The following FLRT2 variants were observed in gnomAD, a reference collection of about 807,000 sequenced individuals.
FLRT2 encodes fibronectin leucine rich transmembrane protein 2, also known as leucine-rich repeat transmembrane protein FLRT2.
In FLRT2, 15 loss-of-function variants were observed where a neutral mutation model predicts 40.0. The observed-to-expected ratio is 0.38, with a 90% CI of 0.25 to 0.58. FLRT2 has a LOEUF of 0.58. Ranked by LOEUF, FLRT2 falls within the 20% of genes least tolerant of loss-of-function variation. The pLI is 0.71. For missense variants in FLRT2, 726 were observed against 840.0 expected (o/e 0.86, Z 1.68); for synonymous variants, 380 against 336.8 (o/e 1.13, Z -1.41).
chr14:85,548,806 C>T (rs1450705408), intron 1 of FLRT2, among the ~76,000 whole-genome samples: 1 of 152,206 alleles, frequency 6.6e-6, no homozygotes, highest in Non-Finnish European at 1.5e-5. Context: ...AAAGTGAGAA[C>T]ATGCATTTCT....
chr14:85,591,251 G>A (rs914638329), intron 1 of FLRT2, among the ~76,000 whole-genome samples: 1 of 152,122 alleles, frequency 6.6e-6, no homozygotes, highest in Non-Finnish European at 1.5e-5. Flanking sequence ...TTTAAAATAC[G>A]GTAAGAAGAA....
chr14:85,566,549 T>TGTGTGTGTGTGTGTGTG, intron 1 of FLRT2, among the ~76,000 whole-genome samples: 1 of 130,826 alleles, frequency 7.6e-6, no homozygotes, highest in Non-Finnish European at 1.7e-5. Context: ...ACTTCCATGG[T>TGTGTGTGTGTGTGTGTG]TGTGTGTGTG....
Position 85,653,772 on chromosome 14 carries a change from T to C in FLRT2, c.*30275T>C, listed in dbSNP as rs941173353. 5.9e-5 allele frequency: 9 copies of C among 152,202 alleles called. No homozygotes were observed. The highest frequency in any genetic ancestry group is 1.9e-4 in the African/African-American group (8 of 41,454). The allele number at this position is 152,202 out of a possible 1,614,324, so 9.4% of individuals were successfully genotyped here. On this transcript the variant is annotated 3_prime_UTR_variant, in exon 2 of 2. Transcript: ENST00000330753. ...CCTGGCTTGTGTTGCAGGGATGTTTTGAGGATATGTTGATGTGTGTGACTC... is the reference window on the plus strand; with the variant it reads ...CCTGGCTTGTGTTGCAGGGATGTTTCGAGGATATGTTGATGTGTGTGACTC...
chr14:85,533,439 G>C (rs913532926), intron 1 of FLRT2, among the ~76,000 whole-genome samples: 1 of 151,930 alleles, frequency 6.6e-6, no homozygotes, highest in East Asian at 2.0e-4. Context: ...AGCGCCGCAC[G>C]CCCGGCTCCG....
At chr14:85,610,437 T>TCAC (rs1318381907) in intron 1 of FLRT2, among the ~76,000 whole-genome samples, 3 of 152,202 alleles carry the variant, frequency 2.0e-5, no homozygotes, top group African/African-American at 7.2e-5. Context: ...CTTTACCTTC[T>TCAC]CACCATACCT....
chr14:85,616,251 T>C (rs1893125753), intron 1 of FLRT2, among the ~76,000 whole-genome samples: 1 of 151,790 alleles, frequency 6.6e-6, no homozygotes, highest in African/African-American at 2.4e-5. Context: ...CTTTATAATT[T>C]CTAGTTTCCT....
Position 85,619,219 on chromosome 14 carries a change from G to C in FLRT2, c.-376-1920G>C, listed in dbSNP as rs148130839. 3.3e-3 allele frequency among the ~76,000 whole-genome samples: 499 copies of C among 151,678 alleles called. 5 individuals are homozygous for C. The highest frequency in any genetic ancestry group is 0.012 in the African/African-American group (483 of 41,332). Reference sequence around the variant, plus strand: ...CCACCTCAGCCTTCAGAGTGGCAGAGACTACAGGCTCATACCACCGCACCT... The same window carrying C: ...CCACCTCAGCCTTCAGAGTGGCAGACACTACAGGCTCATACCACCGCACCT... On this transcript the variant is annotated intron_variant, in intron 1 of 1. Coordinates refer to ENST00000330753, the MANE Select transcript of FLRT2 (RefSeq NM_013231.6).
Position 85,627,892 on chromosome 14 carries a change from T to C in FLRT2, c.*4395T>C, listed in dbSNP as rs1893757506. 6.0e-6 allele frequency: 1 copy of C among 167,112 alleles called. No individual in the cohort carries two copies. The highest frequency in any genetic ancestry group is 6.5e-5 in the Admixed American group (1 of 15,292). The allele number at this position is 167,112 out of a possible 1,614,324, so 10.4% of individuals were successfully genotyped here. ...TCTACACTATACAGTACCTTGTTGA[T>C]ATATTCAGTAAAGTCTTATTTTAAA... On this transcript the variant is annotated 3_prime_UTR_variant, in exon 2 of 2. Coordinates refer to ENST00000330753, the MANE Select transcript of FLRT2 (RefSeq NM_013231.6).
rs1893378037 is a variant in FLRT2 at position 85,621,489 on chromosome 14, T to C, written c.-26T>C. 1 of 1,550,624 alleles carries C rather than the reference T, an allele frequency of 6.4e-7. No individual in the cohort carries two copies. Among genetic ancestry groups the C allele is most frequent in the Non-Finnish European group, 8.7e-7 (1 of 1,150,338 alleles). The stretch of plus-strand genomic sequence containing the variant: ...TTTTCTTTTTCTTTTTCCCACCACA[T>C]TGTATTTTATTTCCGTACTTCAGAA... On this transcript the variant is annotated 5_prime_UTR_variant, in exon 2 of 2. Transcript: ENST00000330753.
intron 1 of FLRT2, among the ~76,000 whole-genome samples, chr14:85,533,211 G>A (rs1426548414): frequency 6.6e-6 from 1 of 152,076 alleles, no homozygotes; most frequent in East Asian, 1.9e-4. Context: ...GAGCGCGAGG[G>A]ACGGAGGGAG....
rs1894497832 is a variant in FLRT2 at position 85,654,238 on chromosome 14, A to G, written c.*30741A>G. 1 of 152,186 alleles carries G rather than the reference A, an allele frequency of 6.6e-6. No individual in the cohort carries two copies. The highest frequency in any genetic ancestry group is 6.5e-5 in the Admixed American group (1 of 15,274). 9.4% of individuals were successfully genotyped at this position (152,186 alleles called of 1,614,324 possible). A position where few individuals can be genotyped will look rare whatever the true frequency, so the allele number is the denominator to read the frequency against. Reference sequence around the variant, plus strand: ...GATTTGAGACAGTTATGAAAATGCCATGGTATCATTCTGTAAATAACTTTG... The same window carrying G: ...GATTTGAGACAGTTATGAAAATGCCGTGGTATCATTCTGTAAATAACTTTG... On this transcript the variant is annotated 3_prime_UTR_variant, in exon 2 of 2. Coordinates refer to ENST00000330753, the MANE Select transcript of FLRT2 (RefSeq NM_013231.6).
Position 85,623,240 on chromosome 14 carries a change from A to G in FLRT2, c.1726A>G (p.Lys576Glu), listed in dbSNP as rs1450051628. ...CAAAAAGGGGCGCTACACCTCCCAG[A>G]AGTGGAAATACAACCGGGGCCGGCG... is the stretch of plus-strand genomic sequence containing the variant. Reference protein sequence around the residue: ...MHKKGRYTSQKWKYNRGRRKD... With the variant: ...MHKKGRYTSQEWKYNRGRRKD... The change falls in exon 2 of 2, where the codon AAG becomes GAG. Residue 576 changes from lysine to glutamate, a missense_variant. This residue lies in a region of FLRT2 where 611 missense variants were observed against 690.0 expected (regional missense o/e 0.89). Transcript: ENST00000330753. 2 of 1,520,206 alleles carry G rather than the reference A, an allele frequency of 1.3e-6. No homozygotes were observed. The highest frequency in any genetic ancestry group is 2.8e-5 in the African/African-American group (2 of 71,814). The allele number at this position is 1,520,206 out of a possible 1,614,324, so 94.2% of individuals were successfully genotyped here.
intron 1 of FLRT2, among the ~76,000 whole-genome samples, chr14:85,582,558 C>A (rs1313250721): frequency 6.6e-6 from 1 of 152,070 alleles, no homozygotes; most frequent in African/African-American, 2.4e-5. Context: ...GTTTCTTCAT[C>A]TGTGTAATGG....
intron 1 of FLRT2, among the ~76,000 whole-genome samples, chr14:85,601,670 C>T (rs144818373): frequency 3.4e-4 from 52 of 152,212 alleles, no homozygotes; most frequent in African/African-American, 1.0e-3. Context: ...TCAGTTTGGT[C>T]GCTTATAAAA....
At chr14:85,546,961 C>T (rs569298636) in intron 1 of FLRT2, among the ~76,000 whole-genome samples, 301 of 152,294 alleles carry the variant, frequency 2.0e-3, no homozygotes, top group Non-Finnish European at 3.6e-3. Context: ...TTCATCGTCA[C>T]GTGTTCTGTC....
intron 1 of FLRT2, among the ~76,000 whole-genome samples, chr14:85,594,970 C>G (rs922392831): frequency 6.6e-6 from 1 of 152,010 alleles, no homozygotes; most frequent in African/African-American, 2.4e-5. Context: ...AATACATTTA[C>G]TTAAGTAAAT....
chr14:85,559,834 T>C (rs1890196317), intron 1 of FLRT2, among the ~76,000 whole-genome samples: 1 of 152,154 alleles, frequency 6.6e-6, no homozygotes, highest in African/African-American at 2.4e-5. Context: ...GTTAGATCTC[T>C]GATATCCGGA....
chr14:85,611,820 T>C (rs1449686078), intron 1 of FLRT2, among the ~76,000 whole-genome samples: 1 of 152,152 alleles, frequency 6.6e-6, no homozygotes, highest in Non-Finnish European at 1.5e-5. Context: ...TTGGAACTTT[T>C]TTCTGGAAAA....
chr14:85,620,080 G>A (rs1309658928), intron 1 of FLRT2, among the ~76,000 whole-genome samples: 1 of 152,156 alleles, frequency 6.6e-6, no homozygotes, highest in Non-Finnish European at 1.5e-5. Context: ...TTTGTGGGCT[G>A]GAGCTTAGTC....
Sources: allele counts gnomAD v4.1 joint callset (sites outside exome capture counted in the v4.1 genomes callset), GRCh38; gene constraint gnomAD v4.1.1; regional missense constraint gnomAD v4.1.1; transcripts MANE v1.5; gene names NCBI Gene and HGNC (gene_info 2026-07-23, HGNC 2026-07-21).